The following ACACA variants were observed in gnomAD, a reference collection of about 807,000 sequenced individuals.
The protein encoded by ACACA is acetyl-CoA carboxylase 1.
ACACA carries 103 observed loss-of-function variants against 296.1 expected under a neutral mutation model. The ratio of observed to expected loss-of-function variants is 0.35; its 90% CI spans 0.30 to 0.41. The LOEUF is 0.41. ACACA is among the 10% of genes least tolerant of loss of function. ACACA has a pLI of 1.00. For missense variants in ACACA, 1,554 were observed against 2,989.7 expected, an observed-to-expected ratio of 0.52 and a Z score of 11.20; for synonymous variants, 953 against 1,038.6, an observed-to-expected ratio of 0.92 and a Z score of 1.58.
At chr17:37,296,451 G>T (rs928461780) in intron 3 of ACACA, among the ~76,000 whole-genome samples, 1 of 151,530 alleles carries the variant, frequency 6.6e-6, no homozygotes, top group Non-Finnish European at 1.5e-5. Context: ...GACTAGAGGC[G>T]CCCGCCACCA....
chr17:37,291,192 T>TTGTTTC (rs1383099938), intron 3 of ACACA, among the ~76,000 whole-genome samples: 6 of 130,126 alleles, frequency 4.6e-5, no homozygotes, highest in Admixed American at 1.6e-4. Context: ...GTTTTTGTTT[T>TTGTTTC]GAGATGGAGT....
At chr17:37,128,411 T>A (rs1445217596) in intron 47 of ACACA, among the ~76,000 whole-genome samples, 1 of 151,644 alleles carries the variant, frequency 6.6e-6, no homozygotes, top group Non-Finnish European at 1.5e-5. Flanking sequence ...AGGTCTTCCT[T>A]ATGAAGACCT....
chr17:37,118,296 A>G (rs1007504619), intron 50 of ACACA, among the ~76,000 whole-genome samples: 1 of 152,232 alleles, frequency 6.6e-6, no homozygotes, highest in Non-Finnish European at 1.5e-5. Context: ...TAAGGGGTAT[A>G]GAGTTTATGT....
chr17:37,346,343 T>C (rs1315899387), intron 1 of ACACA, among the ~76,000 whole-genome samples: 1 of 146,104 alleles, frequency 6.8e-6, no homozygotes, highest in African/African-American at 2.5e-5. Context: ...GTATTATGGC[T>C]ATGTAAGATA....
intron 3 of ACACA, among the ~76,000 whole-genome samples, chr17:37,324,445 G>A (rs536314031): frequency 1.8e-3 from 260 of 146,024 alleles, no homozygotes; most frequent in Non-Finnish European, 1.1e-3. Flanking sequence ...TGAGGCGGGC[G>A]GATCACGTGA....
chr17:37,200,491 C>T lies in ACACA; in HGVS notation c.4057-8G>A. ...GTCAACCAGGGTAGCTTTCTAGGAG[C>T]AAAAACATGTAAAACAGAAGATAGA... On this transcript the variant is annotated splice_polypyrimidine_tract_variant and splice_region_variant and intron_variant, in intron 33 of 55. Coordinates refer to ENST00000616317, the MANE Select transcript of ACACA (RefSeq NM_198834.3). 1.2e-6 allele frequency: 2 copies of T among 1,609,032 alleles called. No homozygotes were observed. Among genetic ancestry groups the T allele is most frequent in the Non-Finnish European group, 1.7e-6 (2 of 1,175,550 alleles).
chr17:37,141,671 G>A (rs192343107), intron 45 of ACACA, among the ~76,000 whole-genome samples: 3 of 152,164 alleles, frequency 2.0e-5, no homozygotes, highest in African/African-American at 7.2e-5. Context: ...AAATGTCAGG[G>A]AGAAGAACAA....
chr17:37,350,968 A>G (rs2048871654), intron 1 of ACACA, among the ~76,000 whole-genome samples: 1 of 150,248 alleles, frequency 6.7e-6, no homozygotes, highest in Non-Finnish European at 1.5e-5. Flanking sequence ...CCCTGTCTCT[A>G]TTAAAAATAC....
At chr17:37,193,845 G>T (rs1003057892) in intron 35 of ACACA, among the ~76,000 whole-genome samples, 61 of 152,142 alleles carry the variant, frequency 4.0e-4, no homozygotes, top group African/African-American at 1.3e-3. Flanking sequence ...TACTCAGACA[G>T]TATAGAGTGC....
intron 5 of ACACA, 58 bp downstream of exon 5, chr17:37,283,209 C>T: frequency 6.2e-7 from 1 of 1,603,914 alleles, no homozygotes; most frequent in Non-Finnish European, 8.5e-7. Flanking sequence ...TACTTAAAGG[C>T]TGTGCTGTTC....
At chr17:37,103,020 G>A (rs1259992260) in intron 52 of ACACA, among the ~76,000 whole-genome samples, 2 of 152,122 alleles carry the variant, frequency 1.3e-5, no homozygotes, top group African/African-American at 4.8e-5. Context: ...GTTTTTAAAT[G>A]CCCATGTGAA....
rs2083871231 is a variant in ACACA, at chr17:37,306,056, C to A, written c.339-21086G>T. On this transcript the variant is annotated intron_variant, in intron 3 of 55. Coordinates refer to ENST00000616317, the MANE Select transcript of ACACA (RefSeq NM_198834.3). ...CCCGAGCAGCCGGGACTACAGGTGCCCGCCACCATGCCCGGCTAATTTTTT... is the reference window on the plus strand; with the variant it reads ...CCCGAGCAGCCGGGACTACAGGTGCACGCCACCATGCCCGGCTAATTTTTT... Among the ~76,000 whole-genome samples the A allele has an allele frequency of 2.0e-5, 3 of 151,808 alleles. No homozygotes were observed. In the South Asian group the frequency reaches 6.3e-4, roughly 32 times the overall value.
chr17:37,143,778 C>G, intron 45 of ACACA: 1 of 1,048,938 alleles, frequency 9.5e-7, no homozygotes, highest in Non-Finnish European at 1.5e-6. Context: ...TGGCAACTCC[C>G]TTTTTTGCTG....
At chr17:37,332,001 A>G (rs1400676731) in intron 2 of ACACA, among the ~76,000 whole-genome samples, 2 of 152,126 alleles carry the variant, frequency 1.3e-5, no homozygotes, top group East Asian at 1.9e-4. Context: ...ATGTGCTGAC[A>G]CTGATATGAG....
At chr17:37,269,234 A>G (rs996686257) in intron 10 of ACACA, among the ~76,000 whole-genome samples, 1 of 152,188 alleles carries the variant, frequency 6.6e-6, no homozygotes, top group African/African-American at 2.4e-5. Context: ...TTAGACTCCC[A>G]AAGTGCTAGG....
intron 1 of ACACA, among the ~76,000 whole-genome samples, chr17:37,401,195 T>C (rs1208396600): frequency 6.7e-6 from 1 of 149,512 alleles, no homozygotes; most frequent in African/African-American, 2.4e-5. Flanking sequence ...CTTTTGTTTT[T>C]CTTTTTTTTT....
At chr17:37,319,864 T>C (rs371557824) in intron 3 of ACACA, among the ~76,000 whole-genome samples, 6 of 151,900 alleles carry the variant, frequency 3.9e-5, no homozygotes, top group African/African-American at 1.5e-4. Context: ...AGGCAGAGAA[T>C]TGCTTGAACT....
chr17:37,315,005 C>T (rs1313246190), intron 3 of ACACA, among the ~76,000 whole-genome samples: 1 of 120,186 alleles, frequency 8.3e-6, no homozygotes, highest in Non-Finnish European at 1.6e-5. Context: ...GTTGCCCAGG[C>T]TGGAGTGCAA....
intron 3 of ACACA, among the ~76,000 whole-genome samples, chr17:37,324,835 CAAAA>C (rs35499336): frequency 1.3e-5 from 1 of 75,854 alleles, no homozygotes; most frequent in Non-Finnish European, 2.8e-5. Context: ...AACTCCGACT[CAAAA>C]AAAAAAAAAA....
Sources: allele counts gnomAD v4.1 joint callset (sites outside exome capture counted in the v4.1 genomes callset), GRCh38; gene constraint gnomAD v4.1.1; transcripts MANE v1.5; gene names NCBI Gene and HGNC (gene_info 2026-07-23, HGNC 2026-07-21).